POC1A: variants seen among roughly 807,000 people sequenced by gnomAD.
POC1A encodes POC1 centriolar protein A.
POC1A carries 34 observed loss-of-function variants against 47.8 expected under a neutral mutation model. The observed-to-expected ratio is 0.71, with a 90% CI of 0.54 to 0.95. The LOEUF is 0.95. POC1A is among the 40% of genes least tolerant of loss of function. POC1A has a pLI of 0.00. For missense variants in POC1A, 466 were observed against 528.3 expected (o/e 0.88, Z 1.16); for synonymous variants, 177 against 207.6 (o/e 0.85, Z 1.27).
intron 7 of POC1A, among the ~76,000 whole-genome samples, chr3:52,128,189 A>C (rs1188152312): frequency 1.3e-5 from 2 of 152,214 alleles, no homozygotes; most frequent in Admixed American, 6.5e-5. Flanking sequence ...GTTTCCAAGA[A>C]GTCACAGCAA....
intron 9 of POC1A, among the ~76,000 whole-genome samples, chr3:52,110,805 T>G (rs1703353430): frequency 6.6e-6 from 1 of 152,234 alleles, no homozygotes; most frequent in South Asian, 2.1e-4. Flanking sequence ...GAGACTCCAC[T>G]TTCTGTCCTG....
intron 1 of POC1A, among the ~76,000 whole-genome samples, chr3:52,151,891 G>GA (rs565939669): frequency 0.032 from 4,193 of 131,684 alleles, 171 homozygotes; most frequent in African/African-American, 0.099. Flanking sequence ...AAGACACCCA[G>GA]AAAAAAAAAA....
At chr3:52,154,223 A>T (rs1353068527) in intron 1 of POC1A, 132 bp downstream of exon 1, 1 of 947,784 alleles carries the variant, frequency 1.1e-6, no homozygotes, top group Non-Finnish European at 1.6e-6. Context: ...CAGACAGTAA[A>T]CTGGACCTGA....
intron 9 of POC1A, among the ~76,000 whole-genome samples, chr3:52,110,994 G>A (rs1015881197): frequency 3.9e-5 from 6 of 152,228 alleles, no homozygotes; most frequent in Admixed American, 6.5e-5. Flanking sequence ...ACTGATGCAC[G>A]CAGAGCTGGA....
At chr3:52,112,660 G>GCAAA (rs1405769227) in intron 9 of POC1A, among the ~76,000 whole-genome samples, 14 of 152,140 alleles carry the variant, frequency 9.2e-5, no homozygotes, top group Admixed American at 2.0e-4. Context: ...CCAAAAACAA[G>GCAAA]CAAACAAACA....
chr3:52,078,667 C>G (rs542499124), intron 10 of POC1A, among the ~76,000 whole-genome samples: 70 of 152,158 alleles, frequency 4.6e-4, no homozygotes, highest in African/African-American at 1.6e-3. Context: ...CCCGCCACTG[C>G]GCCCAGCTAA....
chr3:52,123,600 C>T (rs1387071791), intron 8 of POC1A, among the ~76,000 whole-genome samples: 2 of 152,198 alleles, frequency 1.3e-5, no homozygotes, highest in Admixed American at 1.3e-4. Context: ...CACATATCAC[C>T]TTAGAAACAG....
chr3:52,124,829 C>T (rs571781035), intron 8 of POC1A, among the ~76,000 whole-genome samples: 36 of 152,282 alleles, frequency 2.4e-4, no homozygotes, highest in African/African-American at 4.1e-4. Flanking sequence ...CAACTTTTCA[C>T]GACAACCATA....
intron 6 of POC1A, among the ~76,000 whole-genome samples, chr3:52,141,506 C>T (rs541023113): frequency 6.6e-6 from 1 of 152,354 alleles, no homozygotes; most frequent in East Asian, 1.9e-4. Context: ...CACAAAAGTG[C>T]TCTGATACCA....
chr3:52,089,059 AAGAT>A (rs1702558656), intron 10 of POC1A, among the ~76,000 whole-genome samples: 1 of 151,638 alleles, frequency 6.6e-6, no homozygotes, highest in Non-Finnish European at 1.5e-5. Flanking sequence ...GACGGGATAA[AAGAT>A]AGAAAACCAG....
intron 4 of POC1A, among the ~76,000 whole-genome samples, chr3:52,147,886 C>T (rs1698420499): frequency 6.6e-6 from 1 of 151,960 alleles, no homozygotes; most frequent in African/African-American, 2.4e-5. Context: ...CCCATCCCAA[C>T]AGCAAACTCT....
At chr3:52,096,544 C>T (rs367980980) in intron 10 of POC1A, 25 bp downstream of exon 10, 13 of 1,517,762 alleles carry the variant, frequency 8.6e-6, no homozygotes, top group South Asian at 2.6e-5. Flanking sequence ...GACGGGATGA[C>T]GGGTGAACCC....
chr3:52,145,247 TC>T (rs994039706), intron 6 of POC1A, among the ~76,000 whole-genome samples: 1 of 152,072 alleles, frequency 6.6e-6, no homozygotes, highest in African/African-American at 2.4e-5. Flanking sequence ...GCCCTCCAAC[TC>T]CCACCTGGAG....
At position 52,076,560 on chromosome 3, in the gene POC1A, C is replaced by T. The variant is rs150305136; in HGVS notation, c.1126-575G>A. On this transcript the variant is annotated intron_variant, in intron 10 of 10. Transcript: ENST00000296484. ...AGGGTCTCTGCCTGTCCAAGTCCAA[C>T]GAATACTACTATAGGATATGTCATG... 1.5e-3 allele frequency among the ~76,000 whole-genome samples: 235 copies of T among 152,338 alleles called. 1 individual carries two copies. The highest frequency in any genetic ancestry group is 5.1e-3 in the African/African-American group (210 of 41,576).
rs373675781 is a variant in POC1A, at chr3:52,152,148, G to A, written c.19-1048C>T. The stretch of plus-strand genomic sequence containing the variant: ...GAATTAGCCACACGTAGTGGCTCAT[G>A]CCTGTATTCTCAGCTACTCAGGAGG... On this transcript the variant is annotated intron_variant, in intron 1 of 10. Transcript: ENST00000296484. Among the ~76,000 whole-genome samples the A allele has an allele frequency of 3.9e-5, 6 of 152,238 alleles. 1 individual carries two copies. The South Asian group carries it at 1.2e-3, about 32-fold the overall frequency.
chr3:52,083,612 CA>C (rs1440127848), intron 10 of POC1A, among the ~76,000 whole-genome samples: 1 of 152,182 alleles, frequency 6.6e-6, no homozygotes, highest in Non-Finnish European at 1.5e-5. Flanking sequence ...TCCCAGTTCT[CA>C]TTTCTATTTC....
At position 52,147,106 on chromosome 3, in the gene POC1A, T is replaced by A. The variant is rs772498426; in HGVS notation, c.456-11A>T. ...CCGTCGGGGGAGAACCTGAACCGGG[T>A]GGGGCACAAGTCACATCACAGACTA... On this transcript the variant is annotated splice_polypyrimidine_tract_variant and intron_variant, in intron 4 of 10. Coordinates refer to ENST00000296484, the MANE Select transcript of POC1A (RefSeq NM_015426.5). 5 of 1,604,848 alleles carry A rather than the reference T, an allele frequency of 3.1e-6. No individual in the cohort carries two copies. Among genetic ancestry groups the A allele is most frequent in the Non-Finnish European group, 4.3e-6 (5 of 1,171,926 alleles).
At chr3:52,154,194 C>A (rs1698648008) in intron 1 of POC1A, among the ~76,000 whole-genome samples, 161 bp downstream of exon 1, 1 of 152,262 alleles carries the variant, frequency 6.6e-6, no homozygotes, top group African/African-American at 2.4e-5. Context: ...AGAAAGTGCC[C>A]GACCCAGCGC....
intron 9 of POC1A, among the ~76,000 whole-genome samples, chr3:52,104,762 A>G (rs1350640065): frequency 6.6e-6 from 1 of 152,218 alleles, no homozygotes; most frequent in Admixed American, 6.5e-5. Flanking sequence ...CCAGTTTCCC[A>G]GTGGAATTTG....
Sources: allele counts gnomAD v4.1 joint callset (sites outside exome capture counted in the v4.1 genomes callset), GRCh38; gene constraint gnomAD v4.1.1; transcripts MANE v1.5; gene names NCBI Gene and HGNC (gene_info 2026-07-23, HGNC 2026-07-21).